BACE2: variants seen among roughly 807,000 people sequenced by gnomAD.
BACE2 encodes 56 kDa aspartic-like protease.
A neutral mutation model predicts 46.2 loss-of-function variants in BACE2; 17 were observed. That is an observed-to-expected ratio of 0.37 (90% confidence interval 0.25 to 0.55). BACE2 has a LOEUF of 0.55. Among genes scored for constraint, BACE2 ranks in the 20% least tolerant of loss-of-function variants. BACE2 has a pLI of 0.82. For missense variants in BACE2, 595 were observed against 698.1 expected, an observed-to-expected ratio of 0.85 and a Z score of 1.66; for synonymous variants, 277 against 295.9, an observed-to-expected ratio of 0.94 and a Z score of 0.66.
In BACE2 at chr21:41,193,569, A is replaced by G. The variant is rs930554440; in HGVS notation, c.312+24994A>G. ...GATGTGATACTGTTTTTGATTTACT[A>G]TTTTTCTAGGTAGAGGCAGCTCTAA... On this transcript the variant is annotated intron_variant, in intron 1 of 8. Transcript: ENST00000330333. This position sits in a 1 kb window ranked among gnomAD's most constrained non-coding sequence, Gnocchi z 4.2. Among the ~76,000 whole-genome samples the G allele has an allele frequency of 1.3e-5, 2 of 152,100 alleles. No homozygotes were observed. The highest frequency in any genetic ancestry group is 4.8e-5 in the African/African-American group (2 of 41,472).
chr21:41,243,932 C>T (rs61611706), intron 5 of BACE2, among the ~76,000 whole-genome samples: 205 of 152,290 alleles, frequency 1.3e-3, no homozygotes, highest in African/African-American at 4.6e-3. Flanking sequence ...CCTCCATTCA[C>T]AGCTAGCCTG....
chr21:41,266,174 T>C (rs1988062581), intron 8 of BACE2, among the ~76,000 whole-genome samples: 1 of 152,232 alleles, frequency 6.6e-6, no homozygotes, highest in Admixed American at 6.5e-5. Flanking sequence ...ATTTTTCTTT[T>C]CTTTTATGAA....
At position 41,200,902 on chromosome 21, in the gene BACE2, G is replaced by A. The variant is rs1223950499; in HGVS notation, c.313-25364G>A. Among the ~76,000 whole-genome samples, 8 of 152,260 alleles carry A rather than the reference G, an allele frequency of 5.3e-5. No homozygotes were observed. The East Asian group carries it at 1.2e-3, about 22-fold the overall frequency. On this transcript the variant is annotated intron_variant, in intron 1 of 8. Transcript: ENST00000330333. ...CCGTTGTTTAAGCTGCCCAGTCTGC[G>A]GTGCTTTGTTCTGGCAGCCTGCACT...
chr21:41,227,930 G>T (rs1986866111), intron 2 of BACE2, among the ~76,000 whole-genome samples: 1 of 152,120 alleles, frequency 6.6e-6, no homozygotes, highest in African/African-American at 2.4e-5. Context: ...ACCTCCAACT[G>T]TTCACTCTGG....
intron 1 of BACE2, chr21:41,183,345 T>C (rs933989446): frequency 3.0e-5 from 5 of 167,064 alleles, no homozygotes; most frequent in African/African-American, 1.2e-4. Context: ...ATTTGTTGAA[T>C]GTATGAGTGT....
In BACE2 at chr21:41,196,175, G is replaced by A. The variant is rs145731785; in HGVS notation, c.312+27600G>A. Among the ~76,000 whole-genome samples, 772 of 152,240 alleles carry A rather than the reference G, an allele frequency of 5.1e-3. 10 individuals are homozygous for A. Among genetic ancestry groups the A allele is most frequent in the African/African-American group, 0.018 (740 of 41,536 alleles). On this transcript the variant is annotated intron_variant, in intron 1 of 8. Transcript: ENST00000330333. Reference sequence around the variant, plus strand: ...TAGCCAGGCATGGTGGTCCATGCCTGTAGTCCCAGCTGCTTGGGAGGCTGA... The same window carrying A: ...TAGCCAGGCATGGTGGTCCATGCCTATAGTCCCAGCTGCTTGGGAGGCTGA...
At chr21:41,221,865 C>T (rs1986666637) in intron 1 of BACE2, among the ~76,000 whole-genome samples, 2 of 149,504 alleles carry the variant, frequency 1.3e-5, no homozygotes, top group South Asian at 4.2e-4. Context: ...TCAGTGTCTA[C>T]TGTGTGCCTG....
intron 8 of BACE2, among the ~76,000 whole-genome samples, chr21:41,260,617 G>A (rs2123634632): frequency 6.6e-6 from 1 of 152,314 alleles, no homozygotes; most frequent in South Asian, 2.1e-4. Context: ...CCTCACTCCA[G>A]GACTGCCTGA....
chr21:41,168,978 A>ACCCCCCCCCCCCCCCCCCCC (rs1984488855), intron 1 of BACE2, among the ~76,000 whole-genome samples: 1 of 84,190 alleles, frequency 1.2e-5, no homozygotes, highest in African/African-American at 4.5e-5. Flanking sequence ...TCGTGTTCAT[A>ACCCCCCCCCCCCCCCCCCCC]CCCTCCCTCC....
intron 8 of BACE2, among the ~76,000 whole-genome samples, chr21:41,271,622 C>T (rs181028819): frequency 1.8e-3 from 268 of 151,910 alleles, no homozygotes; most frequent in African/African-American, 5.3e-3. Context: ...CTTTATATCT[C>T]CTTGGCTAGT....
intron 1 of BACE2, among the ~76,000 whole-genome samples, chr21:41,200,464 G>A (rs1289360813): frequency 6.6e-6 from 1 of 152,170 alleles, no homozygotes; most frequent in Non-Finnish European, 1.5e-5. Flanking sequence ...ATGGATGTCG[G>A]ATTAGGTGCA....
At chr21:41,173,531 C>G (rs1415436985) in intron 1 of BACE2, among the ~76,000 whole-genome samples, 1 of 152,132 alleles carries the variant, frequency 6.6e-6, no homozygotes, top group African/African-American at 2.4e-5. Context: ...CACCTGAGGT[C>G]AGGAGTTTGA....
rs1189367463 is a variant in BACE2 at position 41,168,311 on chromosome 21, G to A, written c.48G>A (p.Trp16Ter). The A allele has an allele frequency of 1.5e-6, 2 of 1,323,136 alleles. No homozygotes were observed. Among genetic ancestry groups the A allele is most frequent in the Non-Finnish European group, 1.9e-6 (2 of 1,036,968 alleles). The allele number at this position is 1,323,136 out of a possible 1,614,324, so 82.0% of individuals were successfully genotyped here. Residue 16 changes from tryptophan to a stop codon, truncating the protein, a stop_gained, in exon 1 of 9, where the codon TGG becomes TGA. Transcript: ENST00000330333. LOFTEE classifies it high-confidence loss of function. ...TGCTGCTGCCTCTGCTGGCCCAGTG[G>A]CTCCTGCGCGCCGCCCCGGAGCTGG... ...RALLLPLLAQ[W>*]LLRAAPELAP... is the part of the protein sequence containing the mutation.
intron 3 of BACE2, among the ~76,000 whole-genome samples, chr21:41,239,152 A>G (rs1169846951): frequency 6.6e-6 from 1 of 151,576 alleles, no homozygotes; most frequent in Non-Finnish European, 1.5e-5. Context: ...ATCGTGGAAG[A>G]ACATTTGTTC....
intron 1 of BACE2, among the ~76,000 whole-genome samples, chr21:41,171,611 G>A (rs1021806226): frequency 5.3e-5 from 8 of 152,144 alleles, no homozygotes; most frequent in South Asian, 2.1e-4. Flanking sequence ...TGCTTGAACC[G>A]TGCAATTTGG....
chr21:41,189,321 G>A (rs1237346685), intron 1 of BACE2, among the ~76,000 whole-genome samples: 2 of 152,050 alleles, frequency 1.3e-5, no homozygotes, highest in Admixed American at 6.6e-5. Flanking sequence ...TTCAGAAGTT[G>A]CACCTTCTAG....
At chr21:41,192,770 A>G (rs1334672770) in intron 1 of BACE2, among the ~76,000 whole-genome samples, 2 of 152,216 alleles carry the variant, frequency 1.3e-5, no homozygotes, top group African/African-American at 2.4e-5. Context: ...GACTCCACTC[A>G]AAATTGGCAG....
At chr21:41,207,618 C>T (rs1263504345) in intron 1 of BACE2, among the ~76,000 whole-genome samples, 1 of 151,968 alleles carries the variant, frequency 6.6e-6, no homozygotes, top group Non-Finnish European at 1.5e-5. Context: ...CTCTGCCTCC[C>T]CAACCCCGCC....
At chr21:41,253,779 A>G (rs1344658542) in intron 7 of BACE2, among the ~76,000 whole-genome samples, 2 of 152,226 alleles carry the variant, frequency 1.3e-5, no homozygotes, top group African/African-American at 2.4e-5. Context: ...TCTCTGCATA[A>G]GAATTCATTA....
Sources: allele counts gnomAD v4.1 joint callset (sites outside exome capture counted in the v4.1 genomes callset), GRCh38; gene constraint gnomAD v4.1.1; non-coding constraint Gnocchi (gnomAD v3.1); transcripts MANE v1.5; gene names NCBI Gene and HGNC (gene_info 2026-07-23, HGNC 2026-07-21).